Variants in CRTAC1 observed in about 807,000 individuals in gnomAD.
CRTAC1 encodes the protein acidic secreted protein in cartilage.
Under a neutral mutation model 67.8 loss-of-function variants are expected in CRTAC1, and 37 were observed. The ratio of observed to expected loss-of-function variants is 0.55; its 90% CI spans 0.42 to 0.72. CRTAC1 has a LOEUF of 0.72. CRTAC1 is among the 30% of genes least tolerant of loss of function. The probability of loss-of-function intolerance (pLI) is 0.00; values close to 1 mark genes in which losing one functional copy is unlikely to be tolerated. For missense variants in CRTAC1, 780 were observed against 931.6 expected (o/e 0.84, Z 2.12); for synonymous variants, 348 against 371.0 (o/e 0.94, Z 0.71).
At chr10:98,020,979 A>G (rs979388285) in intron 1 of CRTAC1, among the ~76,000 whole-genome samples, 1 of 152,072 alleles carries the variant, frequency 6.6e-6, no homozygotes, top group Non-Finnish European at 1.5e-5. Flanking sequence ...CTGTGGCCCA[A>G]GTGAGCAAGA....
intron 6 of CRTAC1, among the ~76,000 whole-genome samples, chr10:97,905,788 C>T (rs1045956008): frequency 1.3e-5 from 2 of 152,182 alleles, no homozygotes; most frequent in East Asian, 3.8e-4. Context: ...ACAGAGAAGC[C>T]CACAGCATGC....
At chr10:97,923,862 G>A (rs1429699565) in intron 3 of CRTAC1, among the ~76,000 whole-genome samples, 1 of 152,156 alleles carries the variant, frequency 6.6e-6, no homozygotes, top group African/African-American at 2.4e-5. Context: ...AAATGGTTCT[G>A]GTTCATGGGT....
intron 2 of CRTAC1, among the ~76,000 whole-genome samples, chr10:97,954,928 A>G (rs549008915): frequency 3.9e-5 from 6 of 152,182 alleles, no homozygotes; most frequent in Non-Finnish European, 8.8e-5. Context: ...CTTTTGCCAT[A>G]CAAGGTACTG....
At chr10:97,924,428 C>G (rs1286218109) in intron 3 of CRTAC1, among the ~76,000 whole-genome samples, 3 of 152,190 alleles carry the variant, frequency 2.0e-5, no homozygotes, top group Admixed American at 1.3e-4. Flanking sequence ...GAACCCTGAA[C>G]TTGACTGTCT....
chr10:97,925,771 G>A (rs994487732), intron 3 of CRTAC1, among the ~76,000 whole-genome samples: 6 of 152,060 alleles, frequency 3.9e-5, no homozygotes, highest in Non-Finnish European at 5.9e-5. Flanking sequence ...GAGTGTGAGC[G>A]TAGAGTGCGC....
chr10:97,896,757 C>G (rs1463478901), intron 9 of CRTAC1, 152 bp downstream of exon 9: 1 of 506,796 alleles, frequency 2.0e-6, no homozygotes, highest in Non-Finnish European at 3.4e-6. Context: ...CATCTCCACT[C>G]TCACCCCTGC....
At chr10:97,870,326 T>C (rs2050078578) in intron 14 of CRTAC1, 1 of 152,164 alleles carries the variant, frequency 6.6e-6, no homozygotes, top group African/African-American at 2.4e-5. Context: ...AAGTTTATGG[T>C]TCCACAGAAG....
At chr10:97,878,638 G>A in intron 14 of CRTAC1, 1 of 1,304,116 alleles carries the variant, frequency 7.7e-7, no homozygotes, top group South Asian at 1.2e-5. Context: ...TCTGGCTACA[G>A]GAGCATTCTA....
chr10:97,959,925 T>G (rs1190065802), intron 2 of CRTAC1, among the ~76,000 whole-genome samples: 1 of 152,258 alleles, frequency 6.6e-6, no homozygotes. Context: ...GTGTGAAATG[T>G]TGTCTACCAG....
intron 14 of CRTAC1, among the ~76,000 whole-genome samples, chr10:97,874,361 T>C (rs980137159): frequency 2.6e-5 from 4 of 152,244 alleles, no homozygotes; most frequent in Middle Eastern, 3.2e-3. Context: ...CATGCCCGCC[T>C]AGCTCAGTTC....
chr10:97,955,418 C>G (rs556833683), intron 2 of CRTAC1, among the ~76,000 whole-genome samples: 1 of 152,292 alleles, frequency 6.6e-6, no homozygotes, highest in South Asian at 2.1e-4. Context: ...TTAAAACCAC[C>G]CCTGTACACT....
chr10:97,897,526 T>C (rs2050478709), intron 8 of CRTAC1, among the ~76,000 whole-genome samples: 1 of 152,224 alleles, frequency 6.6e-6, no homozygotes, highest in Admixed American at 6.5e-5. Flanking sequence ...CTTGCATTGT[T>C]CATCTTTGCT....
At chr10:97,956,317 T>G (rs1231157263) in intron 2 of CRTAC1, among the ~76,000 whole-genome samples, 1 of 152,228 alleles carries the variant, frequency 6.6e-6, no homozygotes, top group Non-Finnish European at 1.5e-5. Flanking sequence ...TATCCCTTTT[T>G]ACAGATGAGG....
chr10:98,004,020 G>A (rs1169230064), intron 2 of CRTAC1, among the ~76,000 whole-genome samples: 2 of 152,078 alleles, frequency 1.3e-5, no homozygotes, highest in Admixed American at 1.3e-4. Flanking sequence ...TTTAAGAATG[G>A]GCTAAAAAAG....
chr10:97,993,147 A>G (rs1842491858), intron 2 of CRTAC1, among the ~76,000 whole-genome samples: 1 of 152,206 alleles, frequency 6.6e-6, no homozygotes, highest in African/African-American at 2.4e-5. Flanking sequence ...GGTGTTAGGA[A>G]CCGAGAAGAA....
chr10:97,948,662 G>A (rs555538472), intron 2 of CRTAC1, among the ~76,000 whole-genome samples: 1 of 152,238 alleles, frequency 6.6e-6, no homozygotes, highest in South Asian at 2.1e-4. Flanking sequence ...AGCCAGGATG[G>A]GCAAGAAGAT....
chr10:98,021,087 T>C (rs912545877), intron 1 of CRTAC1, among the ~76,000 whole-genome samples: 4 of 152,180 alleles, frequency 2.6e-5, no homozygotes, highest in African/African-American at 9.7e-5. Context: ...CTCTGGGCAC[T>C]AGGAAAACAG....
intron 1 of CRTAC1, among the ~76,000 whole-genome samples, chr10:98,016,869 T>G (rs1843008223): frequency 6.9e-6 from 1 of 144,782 alleles, no homozygotes; most frequent in African/African-American, 2.5e-5. Context: ...ATCTAGGGAG[T>G]GTCAGAGGAG....
intron 2 of CRTAC1, among the ~76,000 whole-genome samples, chr10:97,988,554 T>C (rs2052022306): frequency 6.6e-6 from 1 of 152,110 alleles, no homozygotes; most frequent in African/African-American, 2.4e-5. Context: ...ACTCCGTCTC[T>C]ACTAAAAATA....
Sources: allele counts gnomAD v4.1 joint callset (sites outside exome capture counted in the v4.1 genomes callset), GRCh38; gene constraint gnomAD v4.1.1; transcripts MANE v1.5; gene names NCBI Gene and HGNC (gene_info 2026-07-23, HGNC 2026-07-21).